The following RYR2 variants were observed in gnomAD, a reference collection of about 807,000 sequenced individuals.
RYR2 encodes the protein ryanodine receptor 2.
In RYR2, 227 loss-of-function variants were observed where a neutral mutation model predicts 601.1. The ratio of observed to expected loss-of-function variants is 0.38; its 90% CI spans 0.34 to 0.42. The LOEUF (loss-of-function observed/expected upper bound fraction) is 0.42, where lower values mean the gene tolerates loss of function less well. Ranked by LOEUF, RYR2 falls within the 10% of genes least tolerant of loss-of-function variation. RYR2 has a pLI of 1.00. For synonymous variants in RYR2, 2,223 were observed against 2,175.1 expected, an observed-to-expected ratio of 1.02 and a Z score of -0.61; for missense variants, 4,646 against 6,156.5, an observed-to-expected ratio of 0.75 and a Z score of 8.21.
At chr1:237,716,259 A>G (rs949106737) in intron 71 of RYR2, among the ~76,000 whole-genome samples, 20 of 152,140 alleles carry the variant, frequency 1.3e-4, no homozygotes, top group African/African-American at 4.8e-4. Flanking sequence ...CTGTTAAGTA[A>G]AACAAATCAT....
intron 2 of RYR2, among the ~76,000 whole-genome samples, chr1:237,296,658 C>T (rs189792585): frequency 6.6e-6 from 1 of 152,056 alleles, no homozygotes; most frequent in Non-Finnish European, 1.5e-5. Flanking sequence ...GACGTCAGGG[C>T]TGGTGACATA....
chr1:237,732,055 G>A lies in RYR2; in HGVS notation c.10945G>A (p.Ala3649Thr). ...TTTGACTTTTTTGCAGAAACCTGGG[G>A]CTGAACCTCCAGAAGAAGATGAAGG... ...KLIEDLAKPG[A>T]EPPEEDEGTK... is the part of the protein sequence containing the mutation. Residue 3649 changes from alanine (A) to threonine (T), a missense_variant, in exon 78 of 105, where the codon GCT becomes ACT. By Grantham distance (58) the Ala-to-Thr change is moderately conservative. This residue lies in a region of RYR2 where 1,497 missense variants were observed against 1,842.6 expected (regional missense o/e 0.81). Transcript: ENST00000366574. 6.2e-7 allele frequency: 1 copy of A among 1,601,070 alleles called. No individual in the cohort carries two copies. Among genetic ancestry groups the A allele is most frequent in the Non-Finnish European group, 8.5e-7 (1 of 1,172,684 alleles).
intron 1 of RYR2, among the ~76,000 whole-genome samples, chr1:237,149,327 A>AAAC (rs1406167019): frequency 2.0e-5 from 3 of 152,252 alleles, no homozygotes; most frequent in Non-Finnish European, 1.5e-5. Context: ...ACAAAAACAA[A>AAAC]AAACCAAAAA....
At chr1:237,682,512 A>G (rs565278096) in intron 62 of RYR2, among the ~76,000 whole-genome samples, 44 of 152,348 alleles carry the variant, frequency 2.9e-4, no homozygotes, top group African/African-American at 9.4e-4. Context: ...ATATACAAAT[A>G]CCATTTTGTT....
intron 1 of RYR2, among the ~76,000 whole-genome samples, chr1:237,057,186 GGAAA>G: frequency 6.6e-6 from 1 of 152,186 alleles, no homozygotes; most frequent in African/African-American, 2.4e-5. Context: ...AGGTGACTGA[GGAAA>G]CTTCTTTTTT....
chr1:237,456,798 T>C, intron 16 of RYR2, 63 bp downstream of exon 16: 2 of 1,536,570 alleles, frequency 1.3e-6, no homozygotes, highest in Non-Finnish European at 1.8e-6. Context: ...ATAAATGGAC[T>C]AGGTGTGATG....
At chr1:237,284,045 C>T (rs759540698) in intron 2 of RYR2, among the ~76,000 whole-genome samples, 38 of 152,158 alleles carry the variant, frequency 2.5e-4, no homozygotes, top group Non-Finnish European at 5.0e-4. Flanking sequence ...TGAGGACATA[C>T]GATGTTTGGT....
In RYR2 at chr1:237,106,693, C is replaced by T. The variant is rs191985164; in HGVS notation, c.48+64124C>T. Among the ~76,000 whole-genome samples the T allele has an allele frequency of 2.0e-5, 3 of 152,148 alleles. No homozygotes were observed. Among genetic ancestry groups the T allele is most frequent in the Non-Finnish European group, 2.9e-5 (2 of 68,018 alleles). On this transcript the variant is annotated intron_variant, in intron 1 of 104. Transcript: ENST00000366574. The surrounding 1 kb of genome is among the most constrained non-coding windows in gnomAD (Gnocchi z 4.4). ...CTTTTTCAGACATGGCACCTTCGTC[C>T]ATTTGGGCTGCTATAACAAAATGCC...
chr1:237,603,108 G>C (rs533264291), intron 35 of RYR2, among the ~76,000 whole-genome samples: 2 of 152,334 alleles, frequency 1.3e-5, no homozygotes, highest in East Asian at 3.9e-4. Context: ...AACGGCGGGA[G>C]TAACTATGAC....
At chr1:237,766,402 A>G (rs1158876163) in intron 84 of RYR2, among the ~76,000 whole-genome samples, 1 of 152,228 alleles carries the variant, frequency 6.6e-6, no homozygotes, top group Non-Finnish European at 1.5e-5. Context: ...GATAGTGACC[A>G]GCATTATTAT....
chr1:237,404,894 A>G (rs1258947548), intron 10 of RYR2, among the ~76,000 whole-genome samples: 1 of 152,146 alleles, frequency 6.6e-6, no homozygotes, highest in African/African-American at 2.4e-5. Context: ...CAGCTGTCAG[A>G]GCGCAATGAA....
chr1:237,494,291 C>A (rs1442112098), intron 19 of RYR2, among the ~76,000 whole-genome samples: 1 of 152,076 alleles, frequency 6.6e-6, no homozygotes. Context: ...GGCCCGAGAG[C>A]CCCTGGCAAA....
At position 237,614,924 on chromosome 1, in the gene RYR2, G is replaced by C. The variant is rs1446841723; in HGVS notation, c.5715+81G>C. The C allele has an allele frequency of 1.8e-5, 24 of 1,334,226 alleles. No homozygotes were observed. Among genetic ancestry groups the C allele is most frequent in the African/African-American group, 2.9e-5 (2 of 67,868 alleles). 82.6% of individuals were successfully genotyped at this position (1,334,226 alleles called of 1,614,324 possible). On this transcript the variant is annotated intron_variant, in intron 37 of 104. Transcript: ENST00000366574. The surrounding 1 kb of genome is among the most constrained non-coding windows in gnomAD (Gnocchi z 4.3). Reference sequence around the variant, plus strand: ...AGAACATGCCTTTGTTTCTTTCTCTGTGTGTGTGTTTATTTCTTTGCATTC... The same window carrying C: ...AGAACATGCCTTTGTTTCTTTCTCTCTGTGTGTGTTTATTTCTTTGCATTC...
intron 92 of RYR2, 138 bp from the exon 93 acceptor site, chr1:237,791,291 C>T (rs1658352131): frequency 3.2e-6 from 2 of 619,028 alleles, no homozygotes; most frequent in Middle Eastern, 3.1e-4. Flanking sequence ...TTTAGGTCTG[C>T]AGCACCAAGA....
At chr1:237,767,161 A>G (rs754832883) in intron 84 of RYR2, among the ~76,000 whole-genome samples, 4 of 152,196 alleles carry the variant, frequency 2.6e-5, no homozygotes, top group Non-Finnish European at 4.4e-5. Context: ...TGAACTGACT[A>G]AAGTCATATA....
In RYR2 at chr1:237,708,934, C is replaced by G. The variant is rs1688598136; in HGVS notation, c.9978C>G (p.Leu3326=). 10 of 1,613,198 alleles carry G rather than the reference C, an allele frequency of 6.2e-6. No homozygotes were observed. The East Asian group carries it at 2.2e-4, about 36-fold the overall frequency. ...KTHFLPLMEK[L]KKKAATVVSE... is the part of the protein sequence containing the mutation. ...ATTTCTTGCCGTTAATGGAGAAACT[C>G]AAGAAAAAGGCAGCTACGGTGGTGT... Residue 3326 remains leucine (L), a synonymous_variant, in exon 69 of 105, where the codon CTC becomes CTG. Transcript: ENST00000366574.
chr1:237,548,456 C>A lies in RYR2; in HGVS notation c.2932C>A (p.Pro978Thr). The A allele has an allele frequency of 6.2e-7, 1 of 1,613,912 alleles. No homozygotes were observed. The highest frequency in any genetic ancestry group is 8.5e-7 in the Non-Finnish European group (1 of 1,179,860). Residue 978 changes from proline (P) to threonine (T), a missense_variant, in exon 26 of 105, where the codon CCT (proline) becomes ACT (threonine). Coordinates refer to ENST00000366574, the MANE Select transcript of RYR2 (RefSeq NM_001035.3). Reference protein sequence around the residue: ...KNYQLTSGYKPAPMDLSFIKL... With the variant: ...KNYQLTSGYKTAPMDLSFIKL... The stretch of plus-strand genomic sequence containing the variant: ...TTACCAGCTGACAAGTGGATACAAG[C>A]CTGCCCCTATGGACCTGAGCTTTAT...
intron 100 of RYR2, 39 bp downstream of exon 100, chr1:237,809,074 T>G (rs1184740590): frequency 3.8e-6 from 6 of 1,570,784 alleles, no homozygotes; most frequent in Non-Finnish European, 5.2e-6. Context: ...AACAAAAATG[T>G]CTCCTGCTTC....
chr1:237,502,412 A>T (rs935159609), intron 21 of RYR2, among the ~76,000 whole-genome samples: 4 of 152,186 alleles, frequency 2.6e-5, no homozygotes, highest in Non-Finnish European at 5.9e-5. Context: ...AATCTCCTTT[A>T]AAGCAGCAGT....
Sources: gnomAD v4.1 joint callset for allele counts (sites outside exome capture counted in the v4.1 genomes callset) on GRCh38, gnomAD v4.1.1 for gene constraint, gnomAD v4.1.1 regional missense constraint, Gnocchi (gnomAD v3.1) non-coding constraint, MANE v1.5 for transcripts, NCBI Gene and HGNC (gene_info 2026-07-23, HGNC 2026-07-21) for gene names.